The following TENM2 variants were observed in gnomAD, a reference collection of about 807,000 sequenced individuals.
The protein encoded by TENM2 is teneurin-2.
A neutral mutation model predicts 245.2 loss-of-function variants in TENM2; 52 were observed. The ratio of observed to expected loss-of-function variants is 0.21; its 90% CI spans 0.17 to 0.27. TENM2 has a LOEUF of 0.27. Among genes scored for constraint, TENM2 ranks in the 10% least tolerant of loss-of-function variants. The pLI is 1.00. For synonymous variants in TENM2, 1,363 were observed against 1,438.9 expected, an observed-to-expected ratio of 0.95 and a Z score of 1.19; for missense variants, 3,046 against 3,666.8, an observed-to-expected ratio of 0.83 and a Z score of 4.37.
At chr5:167,730,832 A>T (rs1760372020) in intron 2 of TENM2, among the ~76,000 whole-genome samples, 2 of 152,230 alleles carry the variant, frequency 1.3e-5, no homozygotes, top group Non-Finnish European at 2.9e-5. Context: ...ACTGGCTGTT[A>T]CATTTATCCT....
the TENM2 span, among the ~76,000 whole-genome samples, chr5:167,009,033 G>A: frequency 6.6e-6 from 1 of 152,158 alleles, no homozygotes; most frequent in African/African-American, 2.4e-5. Context: ...TCAAGCATTT[G>A]TAAGAAATAA....
intron 2 of TENM2, among the ~76,000 whole-genome samples, chr5:167,526,360 G>GCACACACACACACACACACACA (rs72349867): frequency 4.2e-5 from 6 of 144,154 alleles, no homozygotes; most frequent in African/African-American, 1.5e-4. Flanking sequence ...TTAAGAAATA[G>GCACACACACACACACACACACA]CACACACACA....
chr5:167,513,643 C>T (rs557800069), intron 2 of TENM2, among the ~76,000 whole-genome samples: 8 of 152,266 alleles, frequency 5.3e-5, no homozygotes, highest in African/African-American at 1.7e-4. Flanking sequence ...ATGAACTGAA[C>T]ACACATATTA....
chr5:167,821,855 G>C (rs914587865), intron 2 of TENM2, among the ~76,000 whole-genome samples: 1 of 151,942 alleles, frequency 6.6e-6, no homozygotes, highest in African/African-American at 2.4e-5. Flanking sequence ...CTTATCTACT[G>C]CTTTAAGTGG....
the TENM2 span, among the ~76,000 whole-genome samples, chr5:167,179,602 G>C: frequency 1.3e-5 from 2 of 151,948 alleles, no homozygotes; most frequent in Non-Finnish European, 2.9e-5. Context: ...CCGGCTCCCC[G>C]CTGAATTTCT....
At chr5:168,194,811 C>G (rs1316505334) in intron 14 of TENM2, among the ~76,000 whole-genome samples, 1 of 152,050 alleles carries the variant, frequency 6.6e-6, no homozygotes, top group Non-Finnish European at 1.5e-5. Context: ...AAATAAGTAG[C>G]CAGATGTGGA....
intron 2 of TENM2, among the ~76,000 whole-genome samples, chr5:167,423,091 AT>A (rs11463489): frequency 0.027 from 4,007 of 149,954 alleles, 126 homozygotes; most frequent in African/African-American, 0.074. Flanking sequence ...CCGTACCTTC[AT>A]TTTTTTTTTA....
intron 12 of TENM2, among the ~76,000 whole-genome samples, chr5:168,150,391 G>A (rs181080524): frequency 4.6e-5 from 7 of 152,346 alleles, no homozygotes; most frequent in Non-Finnish European, 8.8e-5. Context: ...ATTAGGGACA[G>A]GGCAGGAGAC....
chr5:167,056,022 A>T, the TENM2 span, among the ~76,000 whole-genome samples: 1 of 152,120 alleles, frequency 6.6e-6, no homozygotes, highest in South Asian at 2.1e-4. Flanking sequence ...TTTCACCATT[A>T]AACATTAAGG....
At chr5:167,466,657 T>G (rs17500137) in intron 2 of TENM2, among the ~76,000 whole-genome samples, 22,088 of 152,160 alleles carry the variant, frequency 0.15, 1,815 homozygotes, top group Non-Finnish European at 0.16. Flanking sequence ...ATAAATGTGT[T>G]GACATTCAAT....
chr5:168,148,642 G>A (rs893180868), intron 12 of TENM2, among the ~76,000 whole-genome samples: 2 of 152,094 alleles, frequency 1.3e-5, no homozygotes, highest in Non-Finnish European at 2.9e-5. Context: ...AGGTGGGCAG[G>A]GGAAATACCA....
intron 27 of TENM2, among the ~76,000 whole-genome samples, chr5:168,252,323 A>C (rs1279439740): frequency 2.0e-5 from 3 of 150,354 alleles, no homozygotes; most frequent in Non-Finnish European, 4.4e-5. Flanking sequence ...GGTTGCAATA[A>C]GCTGTGATTG....
intron 2 of TENM2, among the ~76,000 whole-genome samples, chr5:167,826,423 T>G (rs1767978039): frequency 6.6e-6 from 1 of 152,178 alleles, no homozygotes; most frequent in Non-Finnish European, 1.5e-5. Context: ...CAGCACTTTC[T>G]TCCTTCTTCA....
At chr5:167,313,337 A>G (rs746337272) in intron 1 of TENM2, among the ~76,000 whole-genome samples, 60 of 152,140 alleles carry the variant, frequency 3.9e-4, no homozygotes, top group Non-Finnish European at 6.9e-4. Context: ...GTCTTGGGCC[A>G]TACATAAAAT....
chr5:167,217,145 G>T, the TENM2 span, among the ~76,000 whole-genome samples: 1 of 151,936 alleles, frequency 6.6e-6, no homozygotes, highest in East Asian at 1.9e-4. Context: ...CTTTGTCATG[G>T]TTTCTTAATG....
chr5:167,950,052 A>C (rs751469931), intron 3 of TENM2, among the ~76,000 whole-genome samples: 81 of 152,288 alleles, frequency 5.3e-4, no homozygotes, highest in Middle Eastern at 3.4e-3. Context: ...GGGTGAGCGG[A>C]GAATTAAGTA....
intron 1 of TENM2, among the ~76,000 whole-genome samples, chr5:167,321,786 T>TTA (rs1456673806): frequency 0.012 from 404 of 34,018 alleles, 15 homozygotes; most frequent in African/African-American, 0.04. Flanking sequence ...CCTTGGCTTA[T>TTA]TTTTTTTTTT....
chr5:167,264,009 G>A, the TENM2 span, among the ~76,000 whole-genome samples: 5 of 151,786 alleles, frequency 3.3e-5, no homozygotes, highest in Admixed American at 2.6e-4. Flanking sequence ...GGAGGCTGAG[G>A]CAGAAGAATT....
intron 7 of TENM2, among the ~76,000 whole-genome samples, chr5:168,070,669 G>T (rs1486349955): frequency 6.6e-6 from 1 of 150,848 alleles, no homozygotes; most frequent in East Asian, 1.9e-4. Context: ...TCTGCCCATA[G>T]TCCCAGCTAC....
Sources: gnomAD v4.1 joint callset for allele counts (sites outside exome capture counted in the v4.1 genomes callset) on GRCh38, gnomAD v4.1.1 for gene constraint, MANE v1.5 for transcripts, NCBI Gene and HGNC (gene_info 2026-07-23, HGNC 2026-07-21) for gene names.